Variants in RBFOX3 observed in about 807,000 individuals in gnomAD.
The protein encoded by RBFOX3 is RNA binding protein fox-1 homolog 3.
Under a neutral mutation model 48.7 loss-of-function variants are expected in RBFOX3, and 17 were observed. That is an observed-to-expected ratio of 0.35 (90% CI 0.24 to 0.52). The LOEUF (loss-of-function observed/expected upper bound fraction) is 0.52, where lower values mean the gene tolerates loss of function less well. Ranked by LOEUF, RBFOX3 falls within the 20% of genes least tolerant of loss-of-function variation. RBFOX3 has a pLI of 0.94. For missense variants in RBFOX3, 382 were observed against 497.5 expected (o/e 0.77, Z 2.21); for synonymous variants, 212 against 209.5 (o/e 1.01, Z -0.10).
intron 2 of RBFOX3, among the ~76,000 whole-genome samples, chr17:79,474,624 G>C (rs2149405718): frequency 6.6e-6 from 1 of 152,290 alleles, no homozygotes; most frequent in Non-Finnish European, 1.5e-5. Flanking sequence ...CTTCAGTGCA[G>C]CGTGTACCCA....
chr17:79,511,558 G>A (rs1315194122), intron 1 of RBFOX3, among the ~76,000 whole-genome samples: 1 of 152,142 alleles, frequency 6.6e-6, no homozygotes, highest in African/African-American at 2.4e-5. Context: ...GGGCTTAATA[G>A]AGGAGGTAAC....
intron 4 of RBFOX3, among the ~76,000 whole-genome samples, chr17:79,159,784 TCACA>T (rs1310234756): frequency 1.3e-5 from 2 of 152,068 alleles, no homozygotes; most frequent in Non-Finnish European, 2.9e-5. Context: ...TCACAACCAC[TCACA>T]CACACACTAC....
intron 3 of RBFOX3, among the ~76,000 whole-genome samples, chr17:79,239,694 C>A (rs553048995): frequency 1.1e-3 from 162 of 152,368 alleles, no homozygotes; most frequent in Non-Finnish European, 1.8e-3. Context: ...TGTGATGCCC[C>A]CATGGGCAGA....
In RBFOX3 at chr17:79,555,511, A is replaced by G. The variant is rs1394786874; in HGVS notation, c.-320+55315T>C. On this transcript the variant is annotated intron_variant, in intron 1 of 14. Coordinates refer to ENST00000693108, the MANE Select transcript of RBFOX3 (RefSeq NM_001350451.2). ...GATGACAGTGGTGGTGGTGGTGGTG[A>G]TGGTGGTGGTGATGGTAGTTGTGGT... Among the ~76,000 whole-genome samples, 13 of 40,980 alleles carry G rather than the reference A, an allele frequency of 3.2e-4. 1 individual carries two copies. The highest frequency in any genetic ancestry group is 2.5e-3 in the South Asian group (3 of 1,182). The allele number at this position is 40,980 out of a possible 152,430, so 26.9% of individuals were successfully genotyped here.
intron 4 of RBFOX3, among the ~76,000 whole-genome samples, chr17:79,128,416 C>T (rs1213975197): frequency 6.6e-6 from 1 of 152,178 alleles, no homozygotes; most frequent in African/African-American, 2.4e-5. Context: ...CCAGGATCCG[C>T]CAGGGCTTTC....
At position 79,510,040 on chromosome 17, in the gene RBFOX3, C is replaced by G. The variant is rs1426403629; in HGVS notation, c.-319-27442G>C. On this transcript the variant is annotated intron_variant, in intron 1 of 14. Transcript: ENST00000693108. ...ACAGGAGTCAATGCAGAAGGAGCAT[C>G]CACAGCATTACCTCTGGTCCTCAAG... Among the ~76,000 whole-genome samples, 7 of 152,314 alleles carry G rather than the reference C, an allele frequency of 4.6e-5. No homozygotes were observed. The East Asian group carries it at 1.4e-3, about 29-fold the overall frequency.
chr17:79,521,610 GACAC>G (rs1220183890), intron 1 of RBFOX3, among the ~76,000 whole-genome samples: 1 of 151,564 alleles, frequency 6.6e-6, no homozygotes, highest in Non-Finnish European at 1.5e-5. Flanking sequence ...GACACGTGTA[GACAC>G]ACACACAGAC....
intron 14 of RBFOX3, among the ~76,000 whole-genome samples, chr17:79,093,791 C>CACACACACACACA (rs1555681687): frequency 1.4e-5 from 2 of 143,822 alleles, no homozygotes; most frequent in Non-Finnish European, 1.5e-5. Context: ...CAACAGCTGG[C>CACACACACACACA]CACACACACA....
intron 1 of RBFOX3, among the ~76,000 whole-genome samples, chr17:79,580,500 A>G (rs1464317891): frequency 2.6e-5 from 4 of 152,070 alleles, no homozygotes; most frequent in Non-Finnish European, 5.9e-5. Flanking sequence ...GGCATAGACG[A>G]CTGTTCAGCG....
chr17:79,547,836 ACC>A lies in RBFOX3; in HGVS notation c.-320+62988_-320+62989del, dbSNP rs2090663407. Among the ~76,000 whole-genome samples the A allele has an allele frequency of 2.3e-5, 3 of 132,342 alleles. No individual in the cohort carries two copies. The South Asian group carries it at 6.8e-4, about 30-fold the overall frequency. The allele number at this position is 132,342 out of a possible 152,430, so 86.8% of individuals were successfully genotyped here. ...GGTTGGGTACCTGGGCTGTACTCGC[ACC>A]CACACCGATTCACAGCCTTAGCCAA... On this transcript the variant is annotated intron_variant, in intron 1 of 14. Coordinates refer to ENST00000693108, the MANE Select transcript of RBFOX3 (RefSeq NM_001350451.2).
rs149902117 is a variant in RBFOX3 at position 79,294,661 on chromosome 17, C to A, written c.-74+13063G>T. Among the ~76,000 whole-genome samples, 12 of 152,288 alleles carry A rather than the reference C, an allele frequency of 7.9e-5. No individual in the cohort carries two copies. The East Asian group carries it at 2.3e-3, about 29-fold the overall frequency. ...GGAATGGGGGAAGGCAGGAGTTCAG[C>A]ACCACGGACAGCGACCTGCGGGTGG... On this transcript the variant is annotated intron_variant, in intron 3 of 14. Transcript: ENST00000693108.
At chr17:79,187,679 G>T (rs967151920) in intron 4 of RBFOX3, among the ~76,000 whole-genome samples, 1 of 152,144 alleles carries the variant, frequency 6.6e-6, no homozygotes, top group African/African-American at 2.4e-5. Context: ...ACTCTGACCA[G>T]CTGGAGTCCT....
intron 3 of RBFOX3, among the ~76,000 whole-genome samples, chr17:79,285,944 A>T (rs1334288913): frequency 6.6e-6 from 1 of 152,118 alleles, no homozygotes; most frequent in Non-Finnish European, 1.5e-5. Flanking sequence ...CGGCCTCCCA[A>T]AGTGCTGGGA....
At chr17:79,404,519 C>T (rs1264122570) in intron 2 of RBFOX3, among the ~76,000 whole-genome samples, 2 of 152,332 alleles carry the variant, frequency 1.3e-5, no homozygotes, top group Admixed American at 6.5e-5. Context: ...CGCAGAGGGC[C>T]AGCCTGTGAG....
At chr17:79,553,527 T>C (rs1313483660) in intron 1 of RBFOX3, among the ~76,000 whole-genome samples, 1 of 152,264 alleles carries the variant, frequency 6.6e-6, no homozygotes, top group Non-Finnish European at 1.5e-5. Flanking sequence ...TGGAACACTT[T>C]AATTAGCATT....
At chr17:79,213,151 C>T (rs2058597280) in intron 4 of RBFOX3, among the ~76,000 whole-genome samples, 1 of 152,162 alleles carries the variant, frequency 6.6e-6, no homozygotes, top group Admixed American at 6.5e-5. Context: ...GCTACCACGC[C>T]CAGCCTGGAC....
At chr17:79,275,113 T>C (rs2068509493) in intron 3 of RBFOX3, among the ~76,000 whole-genome samples, 1 of 145,762 alleles carries the variant, frequency 6.9e-6, no homozygotes. Context: ...TGCCTCTCTC[T>C]CCATGTCTCC....
At chr17:79,465,214 T>C (rs536257882) in intron 2 of RBFOX3, among the ~76,000 whole-genome samples, 15 of 152,334 alleles carry the variant, frequency 9.8e-5, no homozygotes, top group African/African-American at 3.6e-4. Context: ...ACACGGGAGC[T>C]GACATTGTGC....
intron 1 of RBFOX3, among the ~76,000 whole-genome samples, chr17:79,499,575 G>C (rs1252917213): frequency 6.6e-6 from 1 of 152,244 alleles, no homozygotes. Flanking sequence ...TGAAATGTGA[G>C]GTACCTACAA....
Sources: allele counts gnomAD v4.1 joint callset (sites outside exome capture counted in the v4.1 genomes callset), GRCh38; gene constraint gnomAD v4.1.1; transcripts MANE v1.5; gene names NCBI Gene and HGNC (gene_info 2026-07-23, HGNC 2026-07-21).